Variants in FAM107B observed in about 807,000 individuals in gnomAD.
FAM107B encodes the protein protein FAM107B.
In FAM107B, 21 loss-of-function variants were observed where a neutral mutation model predicts 31.5. The ratio of observed to expected loss-of-function variants is 0.67; its 90% CI spans 0.47 to 0.96. The LOEUF is 0.96. Ranked by LOEUF, FAM107B falls within the 40% of genes least tolerant of loss-of-function variation. The pLI is 0.00. For missense variants in FAM107B, 452 were observed against 377.1 expected, an observed-to-expected ratio of 1.20 and a Z score of -1.64; for synonymous variants, 157 against 141.5, an observed-to-expected ratio of 1.11 and a Z score of -0.78.
At chr10:14,562,064 G>A (rs1850290942) in intron 2 of FAM107B, among the ~76,000 whole-genome samples, 1 of 152,182 alleles carries the variant, frequency 6.6e-6, no homozygotes, top group Non-Finnish European at 1.5e-5. Flanking sequence ...AGGATTACAG[G>A]TGTGAGCCAC....
At chr10:14,565,682 G>A (rs1850603708) in intron 2 of FAM107B, among the ~76,000 whole-genome samples, 2 of 152,190 alleles carry the variant, frequency 1.3e-5, no homozygotes, top group Admixed American at 6.5e-5. Context: ...TACAGCAAAC[G>A]AAGCGGCTGA....
chr10:14,707,208 A>T (rs572266490), intron 1 of FAM107B, among the ~76,000 whole-genome samples: 4 of 152,314 alleles, frequency 2.6e-5, no homozygotes, highest in Admixed American at 2.6e-4. Context: ...ATTTCACGTT[A>T]TGTGTATTTT....
chr10:14,617,568 G>A (rs1852885414), intron 2 of FAM107B, among the ~76,000 whole-genome samples: 1 of 152,174 alleles, frequency 6.6e-6, no homozygotes, highest in Non-Finnish European at 1.5e-5. Context: ...TAGAAGTGAT[G>A]AAACACGTAA....
chr10:14,523,412 G>A (rs983769064), intron 3 of FAM107B, among the ~76,000 whole-genome samples: 2 of 152,226 alleles, frequency 1.3e-5, no homozygotes, highest in South Asian at 2.1e-4. Context: ...CTCATGCTAC[G>A]CACGCAGGCA....
chr10:14,572,803 T>C (rs1451820973), intron 2 of FAM107B, among the ~76,000 whole-genome samples: 3 of 144,628 alleles, frequency 2.1e-5, no homozygotes, highest in Non-Finnish European at 4.5e-5. Flanking sequence ...TGTATGTAGA[T>C]ATACATATAT....
At chr10:14,524,671 A>G (rs904349223) in intron 3 of FAM107B, among the ~76,000 whole-genome samples, 1 of 152,252 alleles carries the variant, frequency 6.6e-6, no homozygotes, top group Non-Finnish European at 1.5e-5. Flanking sequence ...ACTCAGTTTC[A>G]TGACTATCAA....
chr10:14,591,601 CA>C (rs546246869), intron 2 of FAM107B, among the ~76,000 whole-genome samples: 2 of 152,296 alleles, frequency 1.3e-5, no homozygotes, highest in Admixed American at 1.3e-4. Flanking sequence ...AAACAACAGT[CA>C]TCGATGAATG....
At chr10:14,741,167 G>T (rs919766666) in intron 1 of FAM107B, among the ~76,000 whole-genome samples, 1 of 152,186 alleles carries the variant, frequency 6.6e-6, no homozygotes, top group African/African-American at 2.4e-5. Flanking sequence ...GGGTTTGGGG[G>T]CAGGAACCTG....
intron 2 of FAM107B, among the ~76,000 whole-genome samples, chr10:14,629,680 T>G (rs1380562112): frequency 1.3e-5 from 2 of 149,116 alleles, no homozygotes; most frequent in African/African-American, 4.9e-5. Context: ...GCCCGGCTAA[T>G]TTTTTTGTAT....
intron 1 of FAM107B, among the ~76,000 whole-genome samples, chr10:14,720,015 C>T (rs1855874284): frequency 6.9e-6 from 1 of 144,932 alleles, no homozygotes; most frequent in Non-Finnish European, 1.6e-5. Context: ...GAATGCCTTC[C>T]CCTAGAAGGA....
At chr10:14,729,592 C>A (rs1856116922) in intron 1 of FAM107B, among the ~76,000 whole-genome samples, 1 of 152,104 alleles carries the variant, frequency 6.6e-6, no homozygotes, top group South Asian at 2.1e-4. Flanking sequence ...TCACTGTAGA[C>A]CCGTGGTTCA....
chr10:14,736,689 C>G (rs574606715), intron 1 of FAM107B, among the ~76,000 whole-genome samples: 1 of 152,186 alleles, frequency 6.6e-6, no homozygotes, highest in African/African-American at 2.4e-5. Context: ...ATTAACTGAT[C>G]ATTTCCAAAA....
At chr10:14,532,317 T>C (rs573701305) in intron 2 of FAM107B, among the ~76,000 whole-genome samples, 1 of 152,158 alleles carries the variant, frequency 6.6e-6, no homozygotes, top group Non-Finnish European at 1.5e-5. Context: ...CCTCCCCGTG[T>C]TATGTTCTGT....
chr10:14,708,530 A>G (rs1588719942), intron 1 of FAM107B, among the ~76,000 whole-genome samples: 1 of 152,304 alleles, frequency 6.6e-6, no homozygotes, highest in East Asian at 1.9e-4. Flanking sequence ...AAACGCCTTG[A>G]GACCAGTGGT....
At chr10:14,755,838 C>G (rs138407838) in intron 1 of FAM107B, among the ~76,000 whole-genome samples, 5 of 152,182 alleles carry the variant, frequency 3.3e-5, no homozygotes, top group Non-Finnish European at 5.9e-5. Context: ...TATCTACACC[C>G]CATCCCCAAA....
chr10:14,687,567 C>A (rs924807032), intron 1 of FAM107B, among the ~76,000 whole-genome samples: 7 of 151,370 alleles, frequency 4.6e-5, no homozygotes, highest in African/African-American at 1.7e-4. Context: ...GTGTTCTCAC[C>A]CTACAGACAT....
intron 2 of FAM107B, among the ~76,000 whole-genome samples, chr10:14,604,007 C>A (rs1170818841): frequency 6.8e-6 from 1 of 147,062 alleles, no homozygotes; most frequent in African/African-American, 2.4e-5. Context: ...TCCGCGGCGC[C>A]CCCCGCACGG....
chr10:14,577,720 C>T (rs1423506734), intron 2 of FAM107B, among the ~76,000 whole-genome samples: 1 of 152,190 alleles, frequency 6.6e-6, no homozygotes, highest in African/African-American at 2.4e-5. Context: ...CTGCTTATAA[C>T]GTAACAACAC....
At chr10:14,772,172 G>A (rs1159486034) in intron 1 of FAM107B, among the ~76,000 whole-genome samples, 2 of 151,986 alleles carry the variant, frequency 1.3e-5, no homozygotes, top group East Asian at 1.9e-4. Context: ...GGCTAACACG[G>A]TGAAATCCCA....
Sources: gnomAD v4.1 joint callset for allele counts (sites outside exome capture counted in the v4.1 genomes callset) on GRCh38, gnomAD v4.1.1 for gene constraint, MANE v1.5 for transcripts, NCBI Gene and HGNC (gene_info 2026-07-23, HGNC 2026-07-21) for gene names.